VWA8: variants seen among roughly 807,000 people sequenced by gnomAD.
The protein encoded by VWA8 is von Willebrand factor A domain-containing protein 8.
VWA8 carries 221 observed loss-of-function variants against 241.5 expected under a neutral mutation model. The observed-to-expected ratio is 0.91, with a 90% CI of 0.82 to 1.02. The LOEUF (loss-of-function observed/expected upper bound fraction) is 1.02. VWA8 is among the 50% of genes least tolerant of loss of function. The pLI, the probability that VWA8 is intolerant of heterozygous loss-of-function variation, is 0.00. For missense variants in VWA8, 2,322 were observed against 2,328.7 expected (o/e 1.00, Z 0.06); for synonymous variants, 852 against 827.1 (o/e 1.03, Z -0.52).
intron 5 of VWA8, among the ~76,000 whole-genome samples, chr13:41,889,603 T>A (rs1174849610): frequency 6.6e-6 from 1 of 152,162 alleles, no homozygotes; most frequent in Admixed American, 6.5e-5. Flanking sequence ...GATCTTGAAC[T>A]CCTGACCTCA....
chr13:41,833,306 C>T lies in VWA8; in HGVS notation c.1586+65G>A, dbSNP rs147690084. The T allele has an allele frequency of 2.9e-4, 434 of 1,491,970 alleles. 1 individual carries two copies. The African/African-American group carries it at 5.4e-3, about 19-fold the overall frequency. 92.4% of individuals were successfully genotyped at this position (1,491,970 alleles called of 1,614,324 possible). A position where few individuals can be genotyped will look rare whatever the true frequency, so the allele number is the denominator to read the frequency against. On this transcript the variant is annotated intron_variant, in intron 13 of 44. Coordinates refer to ENST00000379310, the MANE Select transcript of VWA8 (RefSeq NM_015058.2). ...AAAAAGAAAAAGAATGAGATAGTTC[C>T]ATCTTTACTGCTTAAGTCAGAGTGG... is the stretch of plus-strand genomic sequence containing the variant.
At chr13:41,809,984 G>A (rs58311947) in intron 17 of VWA8, among the ~76,000 whole-genome samples, 2,870 of 152,108 alleles carry the variant, frequency 0.019, 95 homozygotes, top group African/African-American at 0.064. Context: ...ATGGCACACA[G>A]GTATATGAAA....
chr13:41,740,963 G>C (rs1488663246), intron 21 of VWA8, among the ~76,000 whole-genome samples: 1 of 152,214 alleles, frequency 6.6e-6, no homozygotes, highest in Non-Finnish European at 1.5e-5. Context: ...CTACTGTCCA[G>C]TGCTACTCAA....
intron 12 of VWA8, among the ~76,000 whole-genome samples, chr13:41,850,060 C>T (rs558481363): frequency 2.0e-5 from 3 of 152,204 alleles, no homozygotes; most frequent in East Asian, 1.9e-4. Context: ...TCAACTTCAC[C>T]GATCATCAAG....
At chr13:41,687,925 T>G (rs1195459087) in intron 34 of VWA8, among the ~76,000 whole-genome samples, 2 of 152,156 alleles carry the variant, frequency 1.3e-5, no homozygotes, top group East Asian at 3.9e-4. Flanking sequence ...TAGCTTTTAT[T>G]TTCTAACTTT....
chr13:41,831,251 C>T (rs1230197414), intron 13 of VWA8, among the ~76,000 whole-genome samples: 2 of 152,096 alleles, frequency 1.3e-5, no homozygotes, highest in African/African-American at 2.4e-5. Flanking sequence ...CCTACATAGC[C>T]TCCATTCTAT....
chr13:41,890,945 T>C (rs1051735978), intron 5 of VWA8, among the ~76,000 whole-genome samples: 2 of 152,156 alleles, frequency 1.3e-5, no homozygotes, highest in Non-Finnish European at 2.9e-5. Context: ...GCTTGGGTCA[T>C]CAGAACAGGA....
chr13:41,589,641 A>C (rs902049415), intron 41 of VWA8, among the ~76,000 whole-genome samples: 1 of 152,212 alleles, frequency 6.6e-6, no homozygotes, highest in Non-Finnish European at 1.5e-5. Flanking sequence ...AACTGTCTAA[A>C]GTTCAGAGCT....
intron 21 of VWA8, among the ~76,000 whole-genome samples, chr13:41,732,576 A>G (rs2045493795): frequency 6.6e-6 from 1 of 151,898 alleles, no homozygotes; most frequent in South Asian, 2.1e-4. Context: ...GCTGACATGG[A>G]CAATTAAAGC....
At chr13:41,696,221 AG>A (rs1227298257) in intron 29 of VWA8, 2 of 152,328 alleles carry the variant, frequency 1.3e-5, no homozygotes, top group Admixed American at 6.5e-5. Context: ...CCTAGGAGAA[AG>A]TAAAAGTAAA....
chr13:41,639,877 G>T (rs1289160679), intron 37 of VWA8, among the ~76,000 whole-genome samples: 1 of 152,054 alleles, frequency 6.6e-6, no homozygotes, highest in Non-Finnish European at 1.5e-5. Context: ...AAACCCCAGT[G>T]ACATGCAATT....
chr13:41,888,826 A>G (rs1028917477), intron 5 of VWA8, among the ~76,000 whole-genome samples: 1 of 152,176 alleles, frequency 6.6e-6, no homozygotes, highest in Non-Finnish European at 1.5e-5. Context: ...TAAAAATAAT[A>G]ATTATTTCAA....
intron 21 of VWA8, among the ~76,000 whole-genome samples, chr13:41,757,367 T>C (rs796453860): frequency 1.6e-4 from 24 of 151,940 alleles, no homozygotes; most frequent in African/African-American, 5.8e-4. Flanking sequence ...CATGAGAAGA[T>C]ATAAAAATAG....
intron 37 of VWA8, among the ~76,000 whole-genome samples, chr13:41,640,034 C>T (rs2044785311): frequency 6.6e-6 from 1 of 152,118 alleles, no homozygotes; most frequent in Non-Finnish European, 1.5e-5. Context: ...ATGTGGGTCA[C>T]ATCACTACTC....
chr13:41,887,902 T>TATGA, intron 5 of VWA8, among the ~76,000 whole-genome samples: 1 of 152,376 alleles, frequency 6.6e-6, no homozygotes, highest in South Asian at 2.1e-4. Context: ...CTCCTTTTTA[T>TATGA]ATGAATGAAT....
In VWA8 at chr13:41,718,377, C is replaced by G. The variant is rs192115702; in HGVS notation, c.3116+1214G>C. 7.9e-5 allele frequency among the ~76,000 whole-genome samples: 12 copies of G among 151,934 alleles called. No homozygotes were observed. The East Asian group carries it at 1.9e-3, about 24-fold the overall frequency. On this transcript the variant is annotated intron_variant, in intron 26 of 44. Transcript: ENST00000379310. ...TTGTTATACCCATTAAATTACTGAC[C>G]TAGTTTCAAATGCCCATAAGGACTG... is the stretch of plus-strand genomic sequence containing the variant.
intron 21 of VWA8, among the ~76,000 whole-genome samples, chr13:41,732,495 T>C (rs1390118688): frequency 1.3e-5 from 2 of 149,888 alleles, no homozygotes; most frequent in Non-Finnish European, 3.0e-5. Context: ...AATATATATA[T>C]ATATATGTAT....
intron 42 of VWA8, among the ~76,000 whole-genome samples, chr13:41,579,499 C>A (rs2044369608): frequency 6.6e-6 from 1 of 152,178 alleles, no homozygotes; most frequent in Admixed American, 6.5e-5. Flanking sequence ...AATCACTTAA[C>A]CTCTCTAAAC....
At chr13:41,821,826 T>TA (rs1474152994) in intron 14 of VWA8, among the ~76,000 whole-genome samples, 1 of 152,048 alleles carries the variant, frequency 6.6e-6, no homozygotes, top group African/African-American at 2.4e-5. Context: ...TTCTCACCAG[T>TA]AAAAAGGAAC....
Sources: gnomAD v4.1 joint callset for allele counts (sites outside exome capture counted in the v4.1 genomes callset) on GRCh38, gnomAD v4.1.1 for gene constraint, MANE v1.5 for transcripts, NCBI Gene and HGNC (gene_info 2026-07-23, HGNC 2026-07-21) for gene names.